PCDH7: variants seen among roughly 807,000 people sequenced by gnomAD.
PCDH7 encodes the protein protocadherin 7.
A neutral mutation model predicts 58.9 loss-of-function variants in PCDH7; 17 were observed. The ratio of observed to expected loss-of-function variants is 0.29; its 90% confidence interval spans 0.20 to 0.43. The LOEUF (loss-of-function observed/expected upper bound fraction) is 0.43, where lower values mean the gene tolerates loss of function less well. PCDH7 is among the 20% of genes least tolerant of loss of function. PCDH7 has a pLI of 1.00. For synonymous variants in PCDH7, 664 were observed against 616.4 expected (o/e 1.08, Z -1.14); for missense variants, 1,274 against 1,441.0 (o/e 0.88, Z 1.88).
chr4:30,810,895 C>T (rs190170129), intron 1 of PCDH7, among the ~76,000 whole-genome samples: 1 of 152,274 alleles, frequency 6.6e-6, no homozygotes, highest in Admixed American at 6.5e-5. Context: ...CAGGTGTGAG[C>T]CACCACGTAT....
chr4:30,741,179 G>A (rs1053090920), intron 1 of PCDH7, among the ~76,000 whole-genome samples: 13 of 151,900 alleles, frequency 8.6e-5, no homozygotes, highest in Admixed American at 8.5e-4. Context: ...TCAAAAACTA[G>A]TGAATTAACT....
chr4:30,874,079 A>C (rs566315908), intron 1 of PCDH7, among the ~76,000 whole-genome samples: 191 of 152,142 alleles, frequency 1.3e-3, no homozygotes, highest in Non-Finnish European at 2.1e-3. Context: ...AAATAGGAAC[A>C]CTTTTACACT....
chr4:30,778,173 C>T (rs1722316191), intron 1 of PCDH7, among the ~76,000 whole-genome samples: 2 of 152,022 alleles, frequency 1.3e-5, no homozygotes, highest in East Asian at 3.9e-4. Context: ...AATTCTGCTT[C>T]CATTAACAAA....
At chr4:31,002,082 A>G (rs1197797608) in intron 3 of PCDH7, among the ~76,000 whole-genome samples, 1 of 152,176 alleles carries the variant, frequency 6.6e-6, no homozygotes, top group Admixed American at 6.6e-5. Flanking sequence ...ATAGATAACA[A>G]TTGCTCCCCC....
chr4:31,115,494 T>C (rs2109316689), intron 3 of PCDH7, among the ~76,000 whole-genome samples: 1 of 152,322 alleles, frequency 6.6e-6, no homozygotes, highest in East Asian at 1.9e-4. Context: ...TCTTTATTTT[T>C]CTGTGGATTG....
intron 2 of PCDH7, among the ~76,000 whole-genome samples, chr4:30,947,282 C>T (rs1462888649): frequency 2.0e-5 from 3 of 151,980 alleles, no homozygotes; most frequent in Admixed American, 1.3e-4. Context: ...TGATTCCTGT[C>T]GTTTTGGGAA....
chr4:30,998,320 C>G (rs754149007), intron 3 of PCDH7, among the ~76,000 whole-genome samples: 1 of 151,998 alleles, frequency 6.6e-6, no homozygotes, highest in African/African-American at 2.4e-5. Context: ...ATGAGTTATT[C>G]GATAACTTTC....
intron 3 of PCDH7, among the ~76,000 whole-genome samples, chr4:31,053,095 C>T (rs967768343): frequency 2.0e-5 from 3 of 151,916 alleles, no homozygotes; most frequent in Admixed American, 2.0e-4. Context: ...TTTTTGTTGG[C>T]AATTTGTGAT....
At chr4:30,803,941 T>C (rs941426358) in intron 1 of PCDH7, among the ~76,000 whole-genome samples, 2 of 152,182 alleles carry the variant, frequency 1.3e-5, no homozygotes, top group Non-Finnish European at 2.9e-5. Flanking sequence ...TTCTAGCATA[T>C]AGTGAAATCT....
downstream of PCDH7, chr4:31,145,418 T>G (rs1720612961): frequency 6.6e-6 from 1 of 151,978 alleles, no homozygotes; most frequent in African/African-American, 2.4e-5. Flanking sequence ...TTAAATAGGT[T>G]AAATCTGGTG....
intron 3 of PCDH7, among the ~76,000 whole-genome samples, chr4:31,069,730 A>C (rs1758387287): frequency 6.6e-6 from 1 of 151,942 alleles, no homozygotes; most frequent in East Asian, 1.9e-4. Context: ...CCACCTGTTC[A>C]TGTGGCATAT....
At chr4:30,816,527 A>G (rs534830452) in intron 1 of PCDH7, among the ~76,000 whole-genome samples, 2 of 151,802 alleles carry the variant, frequency 1.3e-5, no homozygotes, top group South Asian at 4.2e-4. Context: ...CTTATAAAAT[A>G]AGGTGATATT....
At chr4:31,045,893 T>A (rs1220375601) in intron 3 of PCDH7, among the ~76,000 whole-genome samples, 1 of 152,050 alleles carries the variant, frequency 6.6e-6, no homozygotes, top group East Asian at 1.9e-4. Flanking sequence ...AATAGGTAGC[T>A]GGTGCCAAAT....
chr4:30,724,504 A>G (rs1188323113), exon 1 of PCDH7: 1 of 1,614,174 alleles, frequency 6.2e-7, no homozygotes, highest in Non-Finnish European at 8.5e-7. Flanking sequence ...ACCACCAGCC[A>G]ACACATTTGT....
chr4:31,074,626 T>C (rs938186733), intron 3 of PCDH7, among the ~76,000 whole-genome samples: 1 of 150,904 alleles, frequency 6.6e-6, no homozygotes, highest in African/African-American at 2.4e-5. Flanking sequence ...CTACTAAAAA[T>C]ACAAAAAAAT....
At chr4:30,947,988 G>A (rs964050318) in intron 2 of PCDH7, among the ~76,000 whole-genome samples, 7 of 151,868 alleles carry the variant, frequency 4.6e-5, no homozygotes, top group South Asian at 2.1e-4. Flanking sequence ...TTTATTAGAC[G>A]CTTTAAGATT....
chr4:30,972,063 A>G (rs563300190), intron 3 of PCDH7, among the ~76,000 whole-genome samples: 84 of 152,330 alleles, frequency 5.5e-4, no homozygotes, highest in African/African-American at 2.0e-3. Flanking sequence ...ACATTTAGGG[A>G]GCACCTAAGA....
At chr4:30,834,456 G>A (rs1425949493) in intron 1 of PCDH7, among the ~76,000 whole-genome samples, 1 of 152,094 alleles carries the variant, frequency 6.6e-6, no homozygotes, top group Middle Eastern at 3.2e-3. Context: ...TGTTGCATTA[G>A]AGAGCCAGGA....
intron 3 of PCDH7, among the ~76,000 whole-genome samples, chr4:31,074,806 A>AAAAAAAAC: frequency 6.6e-6 from 1 of 150,530 alleles, no homozygotes; most frequent in African/African-American, 2.5e-5. Context: ...AAAAAAAAAA[A>AAAAAAAAC]AGCTGTATTT....
Sources: allele counts gnomAD v4.1 joint callset (sites outside exome capture counted in the v4.1 genomes callset), GRCh38; gene constraint gnomAD v4.1.1; transcripts MANE v1.5; gene names NCBI Gene and HGNC (gene_info 2026-07-23, HGNC 2026-07-21).